PTPRG: variants seen among roughly 807,000 people sequenced by gnomAD.
The protein encoded by PTPRG is protein tyrosine phosphatase receptor type G.
A neutral mutation model predicts 165.3 loss-of-function variants in PTPRG; 102 were observed. The observed-to-expected ratio is 0.62, with a 90% confidence interval of 0.53 to 0.73. The LOEUF is 0.73. Among genes scored for constraint, PTPRG ranks in the 30% least tolerant of loss-of-function variants. The pLI is 0.00. For synonymous variants in PTPRG, 675 were observed against 669.5 expected, an observed-to-expected ratio of 1.01 and a Z score of -0.13; for missense variants, 1,866 against 1,861.4, an observed-to-expected ratio of 1.00 and a Z score of -0.05.
intron 4 of PTPRG, among the ~76,000 whole-genome samples, chr3:62,051,504 A>G (rs988930270): frequency 6.6e-6 from 1 of 152,172 alleles, no homozygotes; most frequent in Non-Finnish European, 1.5e-5. Flanking sequence ...AGTTTCTCAA[A>G]GCTTAGGAGG....
In PTPRG at chr3:62,201,622, C is replaced by T. The variant is rs902695050; in HGVS notation, c.1377+68C>T. On this transcript the variant is annotated intron_variant, in intron 11 of 29. Transcript: ENST00000474889. Reference sequence around the variant, plus strand: ...AATTTGCTTGCAGTTAAAACTGTCACCACGAAGTGGCAGTATAATGTTGTT... The same window carrying T: ...AATTTGCTTGCAGTTAAAACTGTCATCACGAAGTGGCAGTATAATGTTGTT... The T allele has an allele frequency of 2.7e-6, 4 of 1,480,596 alleles. No homozygotes were observed. The African/African-American group carries it at 4.2e-5, about 15-fold the overall frequency. The allele number at this position is 1,480,596 out of a possible 1,614,324, so 91.7% of individuals were successfully genotyped here.
chr3:62,016,805 T>A (rs549549801), intron 4 of PTPRG, among the ~76,000 whole-genome samples: 9 of 152,258 alleles, frequency 5.9e-5, no homozygotes, highest in Non-Finnish European at 1.2e-4. Flanking sequence ...TCTCCCTCAT[T>A]CACCCCCACA....
At chr3:61,882,627 A>G (rs2037917986) in intron 2 of PTPRG, among the ~76,000 whole-genome samples, 1 of 152,220 alleles carries the variant, frequency 6.6e-6, no homozygotes, top group African/African-American at 2.4e-5. Flanking sequence ...TTAGAATTAC[A>G]TATCTAAATA....
chr3:61,815,316 G>T (rs2035723888), intron 2 of PTPRG, among the ~76,000 whole-genome samples: 1 of 152,050 alleles, frequency 6.6e-6, no homozygotes, highest in African/African-American at 2.4e-5. Flanking sequence ...AGGCTGAGGA[G>T]GGAGAACCAC....
Position 62,224,155 on chromosome 3 carries a change from A to G in PTPRG, c.2288+5172A>G, listed in dbSNP as rs1189119604. The stretch of plus-strand genomic sequence containing the variant: ...ACATCCCTAAATAACTGGGTTAAAG[A>G]CATGACCCCACTCCCACCCGCAACC... On this transcript the variant is annotated intron_variant, in intron 13 of 29. Coordinates refer to ENST00000474889, the MANE Select transcript of PTPRG (RefSeq NM_002841.4). The surrounding 1 kb of genome is among the most constrained non-coding windows in gnomAD (Gnocchi z 4.9). Among the ~76,000 whole-genome samples, 3 of 152,112 alleles carry G rather than the reference A, an allele frequency of 2.0e-5. No homozygotes were observed. The highest frequency in any genetic ancestry group is 7.2e-5 in the African/African-American group (3 of 41,430).
At chr3:61,934,515 G>C (rs2039438172) in intron 2 of PTPRG, among the ~76,000 whole-genome samples, 1 of 151,922 alleles carries the variant, frequency 6.6e-6, no homozygotes, top group Middle Eastern at 3.2e-3. Context: ...GGGCTGATCT[G>C]GTGACTATGT....
At chr3:61,798,718 T>C (rs1341460479) in intron 2 of PTPRG, among the ~76,000 whole-genome samples, 7 of 152,034 alleles carry the variant, frequency 4.6e-5, no homozygotes, top group African/African-American at 1.4e-4. Context: ...TTTTCATCTG[T>C]AGCATCTTCC....
chr3:62,275,434 C>T (rs193112318), intron 23 of PTPRG, among the ~76,000 whole-genome samples: 4 of 152,236 alleles, frequency 2.6e-5, no homozygotes, highest in Non-Finnish European at 5.9e-5. Context: ...ATCTATTGCA[C>T]ACAGTACCTA....
At chr3:61,828,735 C>A (rs1484030613) in intron 2 of PTPRG, among the ~76,000 whole-genome samples, 1 of 152,138 alleles carries the variant, frequency 6.6e-6, no homozygotes, top group Non-Finnish European at 1.5e-5. Flanking sequence ...TGGTGAAGAC[C>A]TCCAGGGGAC....
At chr3:61,646,758 C>G (rs150037703) in intron 1 of PTPRG, among the ~76,000 whole-genome samples, 3 of 152,244 alleles carry the variant, frequency 2.0e-5, no homozygotes, top group East Asian at 3.9e-4. Context: ...CAGGACAGTT[C>G]CATCACTGCA....
chr3:61,731,310 A>G (rs1280577824), intron 1 of PTPRG, among the ~76,000 whole-genome samples: 3 of 150,362 alleles, frequency 2.0e-5, no homozygotes, highest in African/African-American at 7.3e-5. Context: ...AGTAGGGAGT[A>G]TGCCATGAAG....
At chr3:62,104,677 C>G (rs913998684) in intron 5 of PTPRG, among the ~76,000 whole-genome samples, 2 of 152,196 alleles carry the variant, frequency 1.3e-5, no homozygotes, top group African/African-American at 4.8e-5. Flanking sequence ...GAGCTTAACT[C>G]TCTGCTTCTT....
intron 2 of PTPRG, among the ~76,000 whole-genome samples, chr3:61,958,802 A>G (rs970524365): frequency 5.9e-5 from 9 of 152,344 alleles, no homozygotes; most frequent in African/African-American, 2.2e-4. Flanking sequence ...CTAATGCCCT[A>G]TAAAAGAACT....
intron 2 of PTPRG, among the ~76,000 whole-genome samples, chr3:61,872,646 A>T (rs1030885216): frequency 4.6e-5 from 7 of 152,040 alleles, no homozygotes; most frequent in Non-Finnish European, 7.4e-5. Flanking sequence ...GTGTATTGTC[A>T]TGTATATGGA....
chr3:62,123,031 A>T (rs1357403346), intron 5 of PTPRG, among the ~76,000 whole-genome samples: 1 of 152,200 alleles, frequency 6.6e-6, no homozygotes, highest in African/African-American at 2.4e-5. Flanking sequence ...ACGGTTATCT[A>T]CTGATATGGA....
chr3:61,844,963 C>G (rs943402237), intron 2 of PTPRG, among the ~76,000 whole-genome samples: 1 of 152,194 alleles, frequency 6.6e-6, no homozygotes, highest in Non-Finnish European at 1.5e-5. Context: ...TAGGGCAAGG[C>G]TATATCTGCC....
chr3:62,225,441 C>T (rs1002985732), intron 13 of PTPRG, among the ~76,000 whole-genome samples: 1 of 151,832 alleles, frequency 6.6e-6, no homozygotes, highest in African/African-American at 2.4e-5. Flanking sequence ...ATTAGTTGTG[C>T]TGTAGAATAG....
intron 4 of PTPRG, among the ~76,000 whole-genome samples, chr3:62,026,592 AG>A (rs1186128433): frequency 6.6e-6 from 1 of 152,176 alleles, no homozygotes; most frequent in Non-Finnish European, 1.5e-5. Flanking sequence ...TCACCTTAAA[AG>A]CATGTATTAG....
chr3:61,611,929 C>A (rs11714157), intron 1 of PTPRG, among the ~76,000 whole-genome samples: 14,537 of 152,118 alleles, frequency 0.096, 772 homozygotes, highest in Middle Eastern at 0.12. Context: ...AGTTTGTTAA[C>A]CCCTGCTGTA....
Sources: allele counts gnomAD v4.1 joint callset (sites outside exome capture counted in the v4.1 genomes callset), GRCh38; gene constraint gnomAD v4.1.1; non-coding constraint Gnocchi (gnomAD v3.1); transcripts MANE v1.5; gene names NCBI Gene and HGNC (gene_info 2026-07-23, HGNC 2026-07-21).